The following SLC20A2 variants were observed in gnomAD, a reference collection of about 807,000 sequenced individuals.
The protein encoded by SLC20A2 is sodium-dependent phosphate transporter 2.
A neutral mutation model predicts 61.0 loss-of-function variants in SLC20A2; 30 were observed. The observed-to-expected ratio is 0.49, with a 90% confidence interval of 0.37 to 0.67. The LOEUF is 0.67. SLC20A2 is among the 30% of genes least tolerant of loss of function. SLC20A2 has a pLI of 0.00. For synonymous variants in SLC20A2, 351 were observed against 353.3 expected, an observed-to-expected ratio of 0.99 and a Z score of 0.07; for missense variants, 626 against 866.4, an observed-to-expected ratio of 0.72 and a Z score of 3.48.
At chr8:42,460,925 T>C (rs1456181372) in intron 4 of SLC20A2, among the ~76,000 whole-genome samples, 2 of 152,038 alleles carry the variant, frequency 1.3e-5, no homozygotes, top group East Asian at 3.9e-4. Flanking sequence ...AAAGGAAAAT[T>C]AGGTCTAAAA....
intron 6 of SLC20A2, among the ~76,000 whole-genome samples, chr8:42,440,538 A>G (rs1804694754): frequency 6.6e-6 from 1 of 152,188 alleles, no homozygotes; most frequent in Non-Finnish European, 1.5e-5. Flanking sequence ...TCTGTGGATA[A>G]TGTGGGTTTT....
At chr8:42,479,318 C>T (rs1808388398) in intron 1 of SLC20A2, among the ~76,000 whole-genome samples, 1 of 152,108 alleles carries the variant, frequency 6.6e-6, no homozygotes, top group Non-Finnish European at 1.5e-5. Context: ...CCAAGAGCTG[C>T]AAGGACGTCA....
intron 1 of SLC20A2, among the ~76,000 whole-genome samples, chr8:42,492,034 C>G (rs775729116): frequency 2.4e-4 from 37 of 152,136 alleles, no homozygotes; most frequent in Admixed American, 7.9e-4. Flanking sequence ...GGTGTTTACC[C>G]ACACCTCTTT....
intron 5 of SLC20A2, among the ~76,000 whole-genome samples, chr8:42,447,518 A>G (rs1021166697): frequency 6.6e-6 from 1 of 150,682 alleles, no homozygotes; most frequent in Non-Finnish European, 1.5e-5. Context: ...TCTACTAAAA[A>G]TACAAAAAAA....
intron 4 of SLC20A2, 47 bp downstream of exon 4, chr8:42,462,958 C>T: frequency 2.5e-6 from 3 of 1,205,480 alleles, no homozygotes; most frequent in Non-Finnish European, 3.6e-6. Flanking sequence ...CTGAGTAGAG[C>T]CAAAAATAGT....
chr8:42,417,768 A>G lies in SLC20A2; in HGVS notation c.*35T>C. The G allele has an allele frequency of 6.2e-7, 1 of 1,608,510 alleles. No homozygotes were observed. The highest frequency in any genetic ancestry group is 8.5e-7 in the Non-Finnish European group (1 of 1,175,510). On this transcript the variant is annotated 3_prime_UTR_variant, in exon 11 of 11. Transcript: ENST00000520262. ...GTCTCCCACACGCCAACACCAGACCATCCCTTTAGCTGTTTGCAGCTGGAA... is the reference window on the plus strand; with the variant it reads ...GTCTCCCACACGCCAACACCAGACCGTCCCTTTAGCTGTTTGCAGCTGGAA...
intron 1 of SLC20A2, among the ~76,000 whole-genome samples, chr8:42,481,007 GTC>G (rs1302477656): frequency 2.0e-5 from 3 of 152,110 alleles, no homozygotes; most frequent in African/African-American, 7.2e-5. Context: ...GTCACAAAGA[GTC>G]TTTCTCAGTT....
intron 1 of SLC20A2, among the ~76,000 whole-genome samples, chr8:42,515,730 G>C (rs186709512): frequency 1.3e-3 from 203 of 152,268 alleles, no homozygotes; most frequent in Admixed American, 2.2e-3. Context: ...TTCTAAGACT[G>C]CTAGTGTGTC....
intron 5 of SLC20A2, among the ~76,000 whole-genome samples, chr8:42,457,868 G>T (rs879478230): frequency 5.3e-5 from 8 of 152,086 alleles, no homozygotes; most frequent in Non-Finnish European, 7.3e-5. Flanking sequence ...AATCATTTAG[G>T]AATACTTTAT....
chr8:42,460,218 T>C, intron 4 of SLC20A2: 1 of 425,178 alleles, frequency 2.4e-6, no homozygotes, highest in Non-Finnish European at 4.4e-6. Flanking sequence ...AGCCCACTGT[T>C]GTGGCCAGCA....
chr8:42,504,852 C>CAAAAAAAAAAAAAAAAAAAAA (rs771127709), upstream of SLC20A2, among the ~76,000 whole-genome samples: 13 of 16,494 alleles, frequency 7.9e-4, 3 homozygotes, highest in African/African-American at 1.3e-3. Context: ...GACTCCGTCT[C>CAAAAAAAAAAAAAAAAAAAAA]AAAAAAAAAA....
chr8:42,509,513 G>A (rs1480552395), intron 1 of SLC20A2, among the ~76,000 whole-genome samples: 2 of 152,018 alleles, frequency 1.3e-5, no homozygotes, highest in Non-Finnish European at 2.9e-5. Context: ...ACATAGCATT[G>A]CTTGAACCCA....
At chr8:42,447,246 T>C (rs1025474854) in intron 5 of SLC20A2, among the ~76,000 whole-genome samples, 4 of 151,578 alleles carry the variant, frequency 2.6e-5, no homozygotes, top group Admixed American at 6.6e-5. Flanking sequence ...CTTGGGAGGC[T>C]GAGGTGGGAA....
chr8:42,532,158 TCTTAAAA>T (rs1357817905), intron 1 of SLC20A2, among the ~76,000 whole-genome samples: 2 of 152,028 alleles, frequency 1.3e-5, no homozygotes, highest in Admixed American at 1.3e-4. Flanking sequence ...CTACTGAAGG[TCTTAAAA>T]CTTAAAGGAG....
chr8:42,433,481 G>A (rs1311915874), intron 8 of SLC20A2, among the ~76,000 whole-genome samples: 1 of 151,962 alleles, frequency 6.6e-6, no homozygotes, highest in African/African-American at 2.4e-5. Context: ...GTGCCACCAC[G>A]CCTGGCTAAT....
chr8:42,526,329 G>A (rs937174606), intron 1 of SLC20A2, among the ~76,000 whole-genome samples: 5 of 151,884 alleles, frequency 3.3e-5, no homozygotes, highest in African/African-American at 1.2e-4. Flanking sequence ...TATCTGACTG[G>A]TGAACTGAAA....
intron 2 of SLC20A2, among the ~76,000 whole-genome samples, chr8:42,470,732 G>A (rs2094577967): frequency 6.6e-6 from 1 of 152,048 alleles, no homozygotes; most frequent in South Asian, 2.1e-4. Flanking sequence ...CCAGCACTTT[G>A]AGAGGTGATG....
rs146732836 is a variant in SLC20A2 at position 42,511,650 on chromosome 8, T to C, written c.-265+30171A>G. Among the ~76,000 whole-genome samples the C allele has an allele frequency of 4.7e-3, 714 of 150,414 alleles. 17 individuals are homozygous for C. The highest frequency in any genetic ancestry group is 0.038 in the Admixed American group (573 of 15,074). On this transcript the variant is annotated intron_variant, in intron 1 of 10. Transcript: ENST00000342228. ...TCAAAAAAAAAAAAGAAGTGGTCACTGTTAGGGTAAGCAGTTCAAAGTCAA... is the reference window on the plus strand; with the variant it reads ...TCAAAAAAAAAAAAGAAGTGGTCACCGTTAGGGTAAGCAGTTCAAAGTCAA...
chr8:42,535,522 T>C (rs2131451859), intron 1 of SLC20A2, among the ~76,000 whole-genome samples: 1 of 152,308 alleles, frequency 6.6e-6, no homozygotes, highest in South Asian at 2.1e-4. Context: ...TCACAGGGTA[T>C]ACAGTAAAAG....
Sources: allele counts gnomAD v4.1 joint callset (sites outside exome capture counted in the v4.1 genomes callset), GRCh38; gene constraint gnomAD v4.1.1; transcripts MANE v1.5; gene names NCBI Gene and HGNC (gene_info 2026-07-23, HGNC 2026-07-21).